LEKR1: variants seen among roughly 807,000 people sequenced by gnomAD.
LEKR1 encodes the protein leucine, glutamate and lysine rich 1.
Under a neutral mutation model 72.4 loss-of-function variants are expected in LEKR1, and 59 were observed. That is an observed-to-expected ratio of 0.82 (90% CI 0.66 to 1.01). The LOEUF (loss-of-function observed/expected upper bound fraction) is 1.01. Among genes scored for constraint, LEKR1 ranks in the 50% least tolerant of loss-of-function variants. The pLI is 0.00. For synonymous variants in LEKR1, 257 were observed against 263.2 expected, an observed-to-expected ratio of 0.98 and a Z score of 0.23; for missense variants, 728 against 759.2, an observed-to-expected ratio of 0.96 and a Z score of 0.48.
chr3:156,929,624 C>G (rs1189649555), intron 5 of LEKR1, among the ~76,000 whole-genome samples: 12 of 151,830 alleles, frequency 7.9e-5, no homozygotes, highest in Admixed American at 7.9e-4. Context: ...TCGCCGAAAA[C>G]ACACTGGCCA....
intron 3 of LEKR1, among the ~76,000 whole-genome samples, chr3:156,899,679 C>T (rs954887569): frequency 4.3e-5 from 6 of 140,434 alleles, no homozygotes; most frequent in South Asian, 2.2e-4. Flanking sequence ...CATATATACA[C>T]GCATATATAC....
intron 9 of LEKR1, among the ~76,000 whole-genome samples, chr3:156,995,391 C>T (rs1731482350): frequency 6.6e-6 from 1 of 152,198 alleles, no homozygotes; most frequent in South Asian, 2.1e-4. Flanking sequence ...ACTGACCTAA[C>T]TCCTATTCTT....
At chr3:156,850,596 G>C (rs1715236645) in intron 2 of LEKR1, among the ~76,000 whole-genome samples, 1 of 152,102 alleles carries the variant, frequency 6.6e-6, no homozygotes. Flanking sequence ...AGTTATGTTA[G>C]TTACTTTGTA....
At chr3:156,837,087 T>A (rs1713246860) in intron 2 of LEKR1, among the ~76,000 whole-genome samples, 1 of 152,226 alleles carries the variant, frequency 6.6e-6, no homozygotes, top group African/African-American at 2.4e-5. Context: ...TTAAAAAAAA[T>A]GGTATACTCA....
chr3:156,927,133 G>A (rs527824558), intron 4 of LEKR1, among the ~76,000 whole-genome samples: 6 of 151,882 alleles, frequency 4.0e-5, no homozygotes, highest in East Asian at 3.9e-4. Flanking sequence ...AAATGTTTAC[G>A]GTTGAATAAA....
intron 9 of LEKR1, among the ~76,000 whole-genome samples, chr3:157,009,212 C>A (rs1399410018): frequency 6.6e-6 from 1 of 151,916 alleles, no homozygotes; most frequent in Middle Eastern, 3.2e-3. Context: ...TAAGTAAAAT[C>A]AATTTTAATA....
At chr3:157,039,839 G>A (rs191183065) in intron 12 of LEKR1, among the ~76,000 whole-genome samples, 177 of 152,326 alleles carry the variant, frequency 1.2e-3, no homozygotes, top group Admixed American at 1.4e-3. Context: ...TATGAGAATG[G>A]AGAAGCCAAA....
At chr3:157,012,414 T>C (rs1402618728) in intron 10 of LEKR1, among the ~76,000 whole-genome samples, 2 of 152,140 alleles carry the variant, frequency 1.3e-5, no homozygotes, top group African/African-American at 4.8e-5. Flanking sequence ...CAGATTCTTC[T>C]CCTTGGGGAT....
At position 157,045,768 on chromosome 3, in the gene LEKR1, G is replaced by A; in HGVS notation, c.*18G>A. ...AGCAATGATCCAAAATGAGGAGCAGGAAGCTCCCTACAGCGTGCACGCTCT... is the reference window on the plus strand; with the variant it reads ...AGCAATGATCCAAAATGAGGAGCAGAAAGCTCCCTACAGCGTGCACGCTCT... On this transcript the variant is annotated 3_prime_UTR_variant, in exon 13 of 13. Transcript: ENST00000356539. 2 of 1,600,010 alleles carry A rather than the reference G, an allele frequency of 1.2e-6. No homozygotes were observed. Among genetic ancestry groups the A allele is most frequent in the Non-Finnish European group, 1.7e-6 (2 of 1,176,770 alleles).
At chr3:156,985,563 A>T (rs1730600589) in intron 7 of LEKR1, among the ~76,000 whole-genome samples, 1 of 152,186 alleles carries the variant, frequency 6.6e-6, no homozygotes, top group Non-Finnish European at 1.5e-5. Flanking sequence ...GGCCAGGCGT[A>T]GTGGCTCATA....
At chr3:157,007,257 A>C (rs1732527638) in intron 9 of LEKR1, among the ~76,000 whole-genome samples, 1 of 152,052 alleles carries the variant, frequency 6.6e-6, no homozygotes, top group Non-Finnish European at 1.5e-5. Flanking sequence ...CCCCTTAACC[A>C]CCCACCATCT....
intron 5 of LEKR1, among the ~76,000 whole-genome samples, chr3:156,933,677 G>C (rs527734487): frequency 6.6e-6 from 1 of 152,140 alleles, no homozygotes; most frequent in East Asian, 1.9e-4. Flanking sequence ...GTTTACATTT[G>C]TGTTGCATTA....
intron 6 of LEKR1, among the ~76,000 whole-genome samples, chr3:156,953,143 G>A (rs1727315215): frequency 1.4e-5 from 2 of 144,854 alleles, no homozygotes; most frequent in South Asian, 2.3e-4. Context: ...GTGAATGAGA[G>A]ATGAATGAGG....
chr3:157,016,235 C>G (rs1296190965), intron 10 of LEKR1, among the ~76,000 whole-genome samples: 2 of 152,018 alleles, frequency 1.3e-5, no homozygotes, highest in Non-Finnish European at 2.9e-5. Flanking sequence ...TTAAGAAGCT[C>G]AATAAGCCTC....
intron 7 of LEKR1, among the ~76,000 whole-genome samples, chr3:156,990,217 A>T (rs1731043595): frequency 6.6e-6 from 1 of 152,096 alleles, no homozygotes. Flanking sequence ...TCTCTATTAG[A>T]TTAAGGATAT....
chr3:157,020,255 TTTATTATTATTATTATTA>T (rs139276879), intron 10 of LEKR1, among the ~76,000 whole-genome samples: 3 of 140,378 alleles, frequency 2.1e-5, no homozygotes, highest in African/African-American at 5.3e-5. Context: ...CTGATTTTCT[TTTATTATTATTATTATTA>T]TTATTATTAT....
At chr3:157,045,046 C>T (rs970371407) in intron 12 of LEKR1, among the ~76,000 whole-genome samples, 1 of 152,174 alleles carries the variant, frequency 6.6e-6, no homozygotes, top group Non-Finnish European at 1.5e-5. Context: ...GTTCTAACTC[C>T]AGCCGCACCA....
chr3:157,044,965 C>T (rs543409335), intron 12 of LEKR1, among the ~76,000 whole-genome samples: 1 of 152,238 alleles, frequency 6.6e-6, no homozygotes, highest in South Asian at 2.1e-4. Flanking sequence ...ATTACATGTG[C>T]AGAGCATACT....
rs199970310 is a variant in LEKR1, at chr3:156,917,991, A to AATT, written c.264-2582_264-2580dup. On this transcript the variant is annotated intron_variant, in intron 3 of 12. Coordinates refer to ENST00000356539, the MANE Select transcript of LEKR1 (RefSeq NM_001004316.3). ...CTGTGTCTGAAGGTGTCAGGAGAAGAATTACCTCTCTGTCAAAGATGGAAG... is the reference window on the plus strand; with the variant it reads ...CTGTGTCTGAAGGTGTCAGGAGAAGAATTATTACCTCTCTGTCAAAGATGGAAG... 2.9e-3 allele frequency among the ~76,000 whole-genome samples: 447 copies of AATT among 152,242 alleles called. 1 individual carries two copies. The highest frequency in any genetic ancestry group is 0.01 in the African/African-American group (417 of 41,560).
Sources: gnomAD v4.1 joint callset for allele counts (sites outside exome capture counted in the v4.1 genomes callset) on GRCh38, gnomAD v4.1.1 for gene constraint, MANE v1.5 for transcripts, NCBI Gene and HGNC (gene_info 2026-07-23, HGNC 2026-07-21) for gene names.